HHLA2: variants seen among roughly 807,000 people sequenced by gnomAD.
HHLA2 encodes the protein HERV-H LTR-associating protein 2.
In HHLA2, 48 loss-of-function variants were observed where a neutral mutation model predicts 45.9. The ratio of observed to expected loss-of-function variants is 1.05; its 90% CI spans 0.83 to 1.33. The LOEUF (loss-of-function observed/expected upper bound fraction) is 1.33, where lower values mean the gene tolerates loss of function less well. HHLA2 is among the 40% of genes most tolerant of loss of function. The probability of loss-of-function intolerance (pLI) is 0.00; values close to 1 mark genes in which losing one functional copy is unlikely to be tolerated. For missense variants in HHLA2, 462 were observed against 494.3 expected, an observed-to-expected ratio of 0.93 and a Z score of 0.62; for synonymous variants, 161 against 173.9, an observed-to-expected ratio of 0.93 and a Z score of 0.59.
At chr3:108,298,387 T>C (rs1035276990) in intron 1 of HHLA2, among the ~76,000 whole-genome samples, 3 of 152,216 alleles carry the variant, frequency 2.0e-5, no homozygotes, top group Non-Finnish European at 4.4e-5. Context: ...TCTAACACAA[T>C]ACTATCTTTA....
At chr3:108,362,370 C>A (rs3792332) in exon 8 of HHLA2, 80,281 of 1,611,624 alleles carry the variant, frequency 0.05, 2,837 homozygotes, top group East Asian at 0.16. Context: ...CTTCCCATAA[C>A]AAAGGCTTAT....
chr3:108,312,262 C>T lies in HHLA2; in HGVS notation c.-105+1521C>T, dbSNP rs2081033226. On this transcript the variant is annotated intron_variant, in intron 2 of 10. Coordinates refer to ENST00000619531, the Ensembl canonical transcript of HHLA2. ...GCTAATTTCTGGATTGCCTCACTCACCCCTATTGCTTCCCAGCCATCACCC... is the reference window on the plus strand; with the variant it reads ...GCTAATTTCTGGATTGCCTCACTCATCCCTATTGCTTCCCAGCCATCACCC... Among the ~76,000 whole-genome samples, 2 of 152,248 alleles carry T rather than the reference C, an allele frequency of 1.3e-5. 1 individual carries two copies. The highest frequency in any genetic ancestry group is 4.1e-4 in the South Asian group (2 of 4,832).
At chr3:108,358,595 C>T (rs1349343650) in intron 7 of HHLA2, among the ~76,000 whole-genome samples, 1 of 152,164 alleles carries the variant, frequency 6.6e-6, no homozygotes, top group Non-Finnish European at 1.5e-5. Flanking sequence ...ATAGTCACCA[C>T]ACAATATTTG....
At chr3:108,321,607 G>T (rs2081203942) in intron 2 of HHLA2, among the ~76,000 whole-genome samples, 1 of 151,918 alleles carries the variant, frequency 6.6e-6, no homozygotes, top group South Asian at 2.1e-4. Flanking sequence ...CTAGTTTTCT[G>T]AAATTTCAAA....
chr3:108,360,386 T>C (rs2081967346), intron 7 of HHLA2, among the ~76,000 whole-genome samples: 2 of 152,242 alleles, frequency 1.3e-5, no homozygotes, highest in South Asian at 2.1e-4. Flanking sequence ...ATTTTCACCA[T>C]AGATCTCAGC....
intron 1 of HHLA2, among the ~76,000 whole-genome samples, chr3:108,299,915 C>G (rs2080822747): frequency 6.6e-6 from 1 of 152,108 alleles, no homozygotes; most frequent in Non-Finnish European, 1.5e-5. Flanking sequence ...GGAAAGAGCA[C>G]AGTTGGATGA....
intron 8 of HHLA2, among the ~76,000 whole-genome samples, chr3:108,367,184 C>T (rs2085408): frequency 0.08 from 12,117 of 152,196 alleles, 663 homozygotes; most frequent in African/African-American, 0.16. Flanking sequence ...GACCCCCATA[C>T]AAAACCACAT....
chr3:108,300,043 T>C (rs1289107249), intron 1 of HHLA2, among the ~76,000 whole-genome samples: 2 of 152,086 alleles, frequency 1.3e-5, no homozygotes, highest in Non-Finnish European at 1.5e-5. Flanking sequence ...TTGAGTTCCA[T>C]CTGAGGAGGG....
At chr3:108,364,327 T>G (rs568287839) in intron 8 of HHLA2, among the ~76,000 whole-genome samples, 2 of 152,308 alleles carry the variant, frequency 1.3e-5, no homozygotes, top group East Asian at 3.9e-4. Context: ...ATGAACTCAT[T>G]CTTTTTTATG....
At chr3:108,303,807 A>G (rs1185226103) in intron 1 of HHLA2, among the ~76,000 whole-genome samples, 4 of 151,992 alleles carry the variant, frequency 2.6e-5, no homozygotes, top group African/African-American at 9.7e-5. Context: ...TAGGTACGTG[A>G]TGGGCTCTTG....
chr3:108,345,243 C>T lies in HHLA2; in HGVS notation c.-26-6545C>T, dbSNP rs537486551. On this transcript the variant is annotated intron_variant, in intron 3 of 10. Coordinates refer to ENST00000619531, the Ensembl canonical transcript of HHLA2. Reference sequence around the variant, plus strand: ...TACAGGATGTTTCTTGCCTTGAAGCCACCACTGGGGCAGGGAGTTGCAAAG... The same window carrying T: ...TACAGGATGTTTCTTGCCTTGAAGCTACCACTGGGGCAGGGAGTTGCAAAG... Among the ~76,000 whole-genome samples, 176 of 152,302 alleles carry T rather than the reference C, an allele frequency of 1.2e-3. 2 individuals carry two copies. The highest frequency in any genetic ancestry group is 4.1e-3 in the African/African-American group (169 of 41,568).
At chr3:108,301,267 T>C (rs1175279828) in intron 1 of HHLA2, among the ~76,000 whole-genome samples, 1 of 152,194 alleles carries the variant, frequency 6.6e-6, no homozygotes, top group African/African-American at 2.4e-5. Context: ...TGCTCTGACA[T>C]AGTTCTGCAA....
chr3:108,322,580 T>TG, intron 2 of HHLA2, among the ~76,000 whole-genome samples: 1 of 152,148 alleles, frequency 6.6e-6, no homozygotes, highest in Non-Finnish European at 1.5e-5. Context: ...TCAACCTATG[T>TG]GGGGGAGTGG....
intron 2 of HHLA2, among the ~76,000 whole-genome samples, chr3:108,315,173 C>T (rs891658343): frequency 6.6e-6 from 1 of 152,202 alleles, no homozygotes; most frequent in African/African-American, 2.4e-5. Flanking sequence ...GGGGTGCATC[C>T]TCTTGCCTCT....
At chr3:108,337,147 A>G (rs2081486436) in intron 3 of HHLA2, among the ~76,000 whole-genome samples, 1 of 152,176 alleles carries the variant, frequency 6.6e-6, no homozygotes, top group African/African-American at 2.4e-5. Flanking sequence ...GCAGAACTAG[A>G]GTATTTAAAA....
At chr3:108,368,575 G>A (rs1211449348) in intron 8 of HHLA2, among the ~76,000 whole-genome samples, 1 of 114,860 alleles carries the variant, frequency 8.7e-6, no homozygotes, top group Non-Finnish European at 1.8e-5. Flanking sequence ...AAAAAAGCAG[G>A]GGTTGCAATT....
chr3:108,362,489 C>T (rs59223790), intron 8 of HHLA2, 43 bp downstream of exon 7: 77,898 of 1,243,302 alleles, frequency 0.063, 3,546 homozygotes, highest in African/African-American at 0.22. Context: ...TTCCACATCA[C>T]GTATATTAAA....
intron 2 of HHLA2, among the ~76,000 whole-genome samples, chr3:108,319,777 C>G (rs549635404): frequency 4.4e-4 from 67 of 152,306 alleles, no homozygotes; most frequent in South Asian, 6.2e-4. Flanking sequence ...TGCTAGTTAG[C>G]AAACCCGATA....
chr3:108,365,161 AT>A (rs1374550875), intron 8 of HHLA2, among the ~76,000 whole-genome samples: 4 of 152,160 alleles, frequency 2.6e-5, no homozygotes, highest in African/African-American at 9.7e-5. Flanking sequence ...TCCACCTTGA[AT>A]TAATTTTTGT....
Sources: gnomAD v4.1 joint callset for allele counts (sites outside exome capture counted in the v4.1 genomes callset) on GRCh38, gnomAD v4.1.1 for gene constraint, MANE v1.5 for transcripts, NCBI Gene and HGNC (gene_info 2026-07-23, HGNC 2026-07-21) for gene names.